ACOXL: variants seen among roughly 807,000 people sequenced by gnomAD.
ACOXL encodes acyl-coenzyme A oxidase-like protein.
ACOXL carries 70 observed loss-of-function variants against 71.9 expected under a neutral mutation model. The observed-to-expected ratio is 0.97, with a 90% CI of 0.80 to 1.19. ACOXL has a LOEUF of 1.19. Ranked by LOEUF, ACOXL falls within the 50% of genes most tolerant of loss-of-function variation. The pLI, the probability that ACOXL is intolerant of heterozygous loss-of-function variation, is 0.00. For synonymous variants in ACOXL, 253 were observed against 281.6 expected (o/e 0.90, Z 1.02); for missense variants, 703 against 736.3 (o/e 0.95, Z 0.52).
At chr2:110,815,972 GGA>G (rs1252357145) in intron 9 of ACOXL, among the ~76,000 whole-genome samples, 2 of 152,148 alleles carry the variant, frequency 1.3e-5, no homozygotes, top group Non-Finnish European at 2.9e-5. Context: ...ATGGACAGAT[GGA>G]TGATGGGTGA....
At chr2:111,032,404 T>A in intron 15 of ACOXL, among the ~76,000 whole-genome samples, 1 of 152,098 alleles carries the variant, frequency 6.6e-6, no homozygotes, top group Non-Finnish European at 1.5e-5. Flanking sequence ...TTGAGAAACT[T>A]GAGTATTCAT....
At chr2:110,902,954 C>A (rs969047849) in intron 10 of ACOXL, among the ~76,000 whole-genome samples, 19 of 152,220 alleles carry the variant, frequency 1.2e-4, no homozygotes, top group Non-Finnish European at 2.2e-4. Flanking sequence ...GGAAGGTGGC[C>A]TGAGCCCAGG....
intron 9 of ACOXL, among the ~76,000 whole-genome samples, chr2:110,813,583 G>A (rs1475287342): frequency 6.6e-6 from 1 of 152,174 alleles, no homozygotes; most frequent in East Asian, 1.9e-4. Flanking sequence ...GTCAGATATG[G>A]ATGATTGACA....
At chr2:110,900,415 G>C (rs1318846421) in intron 10 of ACOXL, among the ~76,000 whole-genome samples, 1 of 152,134 alleles carries the variant, frequency 6.6e-6, no homozygotes, top group Non-Finnish European at 1.5e-5. Flanking sequence ...AGCCTTCTAT[G>C]CCTTGAACAC....
chr2:110,942,644 G>A (rs186856341), intron 12 of ACOXL, among the ~76,000 whole-genome samples: 1 of 151,942 alleles, frequency 6.6e-6, no homozygotes, highest in Non-Finnish European at 1.5e-5. Context: ...CCAGCACTTT[G>A]GGAGGCTGAG....
chr2:111,055,094 A>G (rs1263301189), intron 16 of ACOXL, among the ~76,000 whole-genome samples: 3 of 151,836 alleles, frequency 2.0e-5, no homozygotes, highest in Admixed American at 2.0e-4. Context: ...CCCACCCCCA[A>G]CCTTGGTCCA....
chr2:110,852,990 A>G (rs1692798089), intron 10 of ACOXL, among the ~76,000 whole-genome samples: 1 of 152,160 alleles, frequency 6.6e-6, no homozygotes, highest in South Asian at 2.1e-4. Flanking sequence ...TTATACACTC[A>G]CATGTCAGCA....
intron 9 of ACOXL, among the ~76,000 whole-genome samples, chr2:110,819,817 A>G (rs1350833362): frequency 1.3e-5 from 2 of 152,204 alleles, no homozygotes; most frequent in East Asian, 3.8e-4. Context: ...TTAGGCATCT[A>G]GGAGACAGTG....
intron 1 of ACOXL, among the ~76,000 whole-genome samples, chr2:110,766,671 G>A (rs1039874534): frequency 2.6e-5 from 4 of 152,128 alleles, no homozygotes; most frequent in African/African-American, 4.8e-5. Context: ...TGTTAATACC[G>A]AGTAGGGGTG....
intron 14 of ACOXL, among the ~76,000 whole-genome samples, chr2:111,005,231 A>T (rs2063818271): frequency 6.6e-6 from 1 of 152,184 alleles, no homozygotes; most frequent in Non-Finnish European, 1.5e-5. Flanking sequence ...TCAAAATCTG[A>T]TACAGGTTGC....
intron 3 of ACOXL, 104 bp downstream of exon 3, chr2:110,784,919 C>G: frequency 1.0e-6 from 1 of 985,654 alleles, no homozygotes; most frequent in South Asian, 2.4e-5. Context: ...TGTAGTGGCA[C>G]AGGTGTTGGT....
At chr2:110,737,288 A>G (rs1239326977) in intron 1 of ACOXL, among the ~76,000 whole-genome samples, 1 of 151,992 alleles carries the variant, frequency 6.6e-6, no homozygotes, top group Non-Finnish European at 1.5e-5. Flanking sequence ...TTCTCATGTA[A>G]TTTACTCCAT....
chr2:110,882,149 A>G (rs999716115), intron 10 of ACOXL, among the ~76,000 whole-genome samples: 5 of 152,162 alleles, frequency 3.3e-5, no homozygotes, highest in Admixed American at 1.3e-4. Flanking sequence ...CAGTCTTTTC[A>G]ATTTGAGTGA....
intron 12 of ACOXL, among the ~76,000 whole-genome samples, chr2:110,980,357 C>G (rs1371325988): frequency 6.6e-6 from 1 of 152,218 alleles, no homozygotes; most frequent in East Asian, 1.9e-4. Context: ...GTAGCCTGGG[C>G]AAGTTCCAGG....
At chr2:111,046,121 G>A (rs1444963998) in intron 15 of ACOXL, among the ~76,000 whole-genome samples, 2 of 152,220 alleles carry the variant, frequency 1.3e-5, no homozygotes, top group African/African-American at 2.4e-5. Flanking sequence ...CAGGGAACAG[G>A]GGAGACTTAG....
In ACOXL at chr2:110,870,831, G is replaced by A. The variant is rs530914184; in HGVS notation, c.788+29426G>A. Among the ~76,000 whole-genome samples, 6 of 152,266 alleles carry A rather than the reference G, an allele frequency of 3.9e-5. No homozygotes were observed. In the South Asian group the frequency reaches 1.0e-3, roughly 26 times the overall value. On this transcript the variant is annotated intron_variant, in intron 10 of 17. Transcript: ENST00000439055. The stretch of plus-strand genomic sequence containing the variant: ...TTCTCCTTGGCTCCCTGGAAATGGT[G>A]GGGGGAGGAACCCATATAGGGGTCA...
At position 110,756,195 on chromosome 2, in the gene ACOXL, C is replaced by T. The variant is rs1046153620; in HGVS notation, c.-22-12173C>T. ...AGGCTGGAGTGCAATGGCACGATCT[C>T]GGCTCACTGCAACCTCCGCCTCCCG... On this transcript the variant is annotated intron_variant, in intron 1 of 17. Coordinates refer to ENST00000439055, the MANE Select transcript of ACOXL (RefSeq NM_001142807.4). Among the ~76,000 whole-genome samples the T allele has an allele frequency of 1.2e-4, 18 of 152,084 alleles. 1 individual carries two copies. Among genetic ancestry groups the T allele is most frequent in the Admixed American group, 9.8e-4 (15 of 15,270 alleles).
chr2:110,917,582 G>C (rs377079079), intron 11 of ACOXL, among the ~76,000 whole-genome samples: 7 of 152,104 alleles, frequency 4.6e-5, no homozygotes, highest in Non-Finnish European at 7.4e-5. Context: ...AGAAATAAAG[G>C]GTATTCAAAT....
chr2:111,016,961 G>C (rs189526631), intron 14 of ACOXL, among the ~76,000 whole-genome samples: 10 of 152,332 alleles, frequency 6.6e-5, no homozygotes, highest in Admixed American at 6.5e-4. Flanking sequence ...AAGATAATGG[G>C]ACAAGACAGA....
Sources: gnomAD v4.1 joint callset for allele counts (sites outside exome capture counted in the v4.1 genomes callset) on GRCh38, gnomAD v4.1.1 for gene constraint, MANE v1.5 for transcripts, NCBI Gene and HGNC (gene_info 2026-07-23, HGNC 2026-07-21) for gene names.